Variants in TOP1MT observed in about 807,000 individuals in gnomAD.
TOP1MT encodes the protein DNA topoisomerase I, mitochondrial.
In TOP1MT, 80 loss-of-function variants were observed where a neutral mutation model predicts 73.9. The observed-to-expected ratio is 1.08, with a 90% CI of 0.90 to 1.30. TOP1MT has a LOEUF of 1.30. TOP1MT is among the 50% of genes most tolerant of loss of function. The pLI is 0.00. For missense variants in TOP1MT, 815 were observed against 808.0 expected (o/e 1.01, Z -0.10); for synonymous variants, 338 against 326.4 (o/e 1.04, Z -0.38).
upstream of TOP1MT, among the ~76,000 whole-genome samples, chr8:143,359,724 G>C (rs1405467954): frequency 1.3e-5 from 2 of 152,140 alleles, no homozygotes; most frequent in Non-Finnish European, 2.9e-5. Flanking sequence ...GTGCGCGGAG[G>C]GGGAGGTACA....
At chr8:143,352,202 A>T (rs1267677396) in intron 1 of TOP1MT, among the ~76,000 whole-genome samples, 2 of 152,258 alleles carry the variant, frequency 1.3e-5, no homozygotes, top group African/African-American at 4.8e-5. Flanking sequence ...ATTCACAAGG[A>T]AACACAAAGG....
intron 6 of TOP1MT, 84 bp downstream of exon 6, chr8:143,324,401 C>T (rs559792710): frequency 6.4e-5 from 102 of 1,589,238 alleles, no homozygotes; most frequent in Middle Eastern, 1.8e-4. Context: ...AAGCCTCTGC[C>T]GGTGCCCGGC....
intron 2 of TOP1MT, among the ~76,000 whole-genome samples, chr8:143,342,305 T>A (rs1817114364): frequency 7.1e-6 from 1 of 140,950 alleles, no homozygotes; most frequent in Non-Finnish European, 1.5e-5. Context: ...GTTATTATTA[T>A]TATTATTAGA....
rs192183467 is a variant in TOP1MT at position 143,316,420 on chromosome 8, G to A, written c.1331-294C>T. On this transcript the variant is annotated intron_variant, in intron 10 of 13. Transcript: ENST00000329245. ...AGGAGGCCCAGCCGCCTGGACGGGCGAGTCTGCCTGTCACAAGTCCCCAGC... is the reference window on the plus strand; with the variant it reads ...AGGAGGCCCAGCCGCCTGGACGGGCAAGTCTGCCTGTCACAAGTCCCCAGC... 6.6e-5 allele frequency among the ~76,000 whole-genome samples: 10 copies of A among 152,236 alleles called. No individual in the cohort carries two copies. The South Asian group carries it at 1.2e-3, about 19-fold the overall frequency.
Position 143,314,756 on chromosome 8 carries a change from TAAG to T in TOP1MT, c.1553+968_1553+970del, listed in dbSNP as rs578209382. ...AGCTGTTCCAGTATAATAAAATACA[TAAG>T]AATAGTTATACTATATATAGATCAT... is the stretch of plus-strand genomic sequence containing the variant. On this transcript the variant is annotated intron_variant, in intron 12 of 13. Transcript: ENST00000329245. Among the ~76,000 whole-genome samples, 566 of 152,188 alleles carry T rather than the reference TAAG, an allele frequency of 3.7e-3. 3 individuals are homozygous for T. The highest frequency in any genetic ancestry group is 0.012 in the African/African-American group (517 of 41,530).
intron 3 of TOP1MT, among the ~76,000 whole-genome samples, chr8:143,328,596 T>A (rs1157739573): frequency 6.6e-6 from 1 of 152,238 alleles, no homozygotes; most frequent in Non-Finnish European, 1.5e-5. Flanking sequence ...CCCAGCAATT[T>A]CACCCCAAGT....
chr8:143,355,141 A>G (rs1271178130), intron 1 of TOP1MT, among the ~76,000 whole-genome samples: 2 of 152,198 alleles, frequency 1.3e-5, no homozygotes, highest in Non-Finnish European at 2.9e-5. Flanking sequence ...TGGCAGACAC[A>G]ACCGGGGATG....
At chr8:143,338,730 G>T (rs776435694), upstream of TOP1MT, among the ~76,000 whole-genome samples, 2 of 152,238 alleles carry the variant, frequency 1.3e-5, no homozygotes, top group Non-Finnish European at 2.9e-5. Flanking sequence ...CCTCACACCT[G>T]GGTGGCTGCA....
intron 1 of TOP1MT, among the ~76,000 whole-genome samples, chr8:143,351,115 C>T (rs1012796760): frequency 1.3e-5 from 2 of 152,198 alleles, no homozygotes; most frequent in African/African-American, 4.8e-5. Context: ...ACCCCTACCC[C>T]CGATGTCTCC....
At chr8:143,323,430 C>T (rs1162259092) in intron 7 of TOP1MT, among the ~76,000 whole-genome samples, 2 of 111,594 alleles carry the variant, frequency 1.8e-5, no homozygotes, top group African/African-American at 3.8e-5. Context: ...CACACAGGCA[C>T]GCCACACACG....
upstream of TOP1MT, chr8:143,334,938 CCCGCCCCCGAGCGCGGCCT>C (rs1230326681): frequency 4.0e-6 from 5 of 1,237,634 alleles, no homozygotes; most frequent in African/African-American, 3.2e-5. Context: ...AGCGGCCAGC[CCCGCCCCCGAGCGCGGCCT>C]CCGCCCCCAG....
At chr8:143,323,625 A>ACACACGCACGC (rs1479214794) in intron 7 of TOP1MT, among the ~76,000 whole-genome samples, 2 of 92,784 alleles carry the variant, frequency 2.2e-5, no homozygotes, top group Admixed American at 1.4e-4. Flanking sequence ...CAGGCACGCC[A>ACACACGCACGC]CACACGCACG....
chr8:143,321,095 G>A, intron 8 of TOP1MT, 106 bp downstream of exon 8: 1 of 1,208,778 alleles, frequency 8.3e-7, no homozygotes, highest in Non-Finnish European at 1.1e-6. Context: ...CAGCAGGCAG[G>A]ACGTGGCAAA....
Position 143,331,294 on chromosome 8 carries a change from C to CA in TOP1MT, c.167dup (p.Glu57GlyfsTer23). The CA allele has an allele frequency of 6.2e-7, 1 of 1,613,050 alleles. No homozygotes were observed. The highest frequency in any genetic ancestry group is 1.1e-5 in the South Asian group (1 of 91,016). ...GTGCGAAGTACGGGCCCTTGTGCTC[C>CA]AGCTGTCTCCACTTCACCCCGTCTT... On this transcript the variant is annotated frameshift_variant, in exon 2 of 14. Coordinates refer to ENST00000329245, the MANE Select transcript of TOP1MT (RefSeq NM_052963.3). LOFTEE classifies it high-confidence loss of function.
rs200673353 is a variant in TOP1MT, at chr8:143,325,514, T to C, written c.503A>G (p.Glu168Gly). 1.5e-4 allele frequency: 243 copies of C among 1,609,656 alleles called. No individual in the cohort carries two copies. The highest frequency in any genetic ancestry group is 4.5e-4 in the Admixed American group (27 of 59,892). ...EEKQKLKEEA[E>G]KLQQEFGYCI... The stretch of plus-strand genomic sequence containing the variant: ...GTAGCCGAACTCTTGCTGAAGTTTT[T>C]CTGCCTCTTCTTTTAGCTTCTGAGT... Residue 168 changes from glutamate (E) to glycine (G), a missense_variant, in exon 5 of 14, where the codon GAA becomes GGA. Around this residue, in one of 3 missense-constraint regions of TOP1MT, gnomAD observed 751 missense variants for 725.4 expected, o/e 1.04. Transcript: ENST00000329245.
At chr8:143,316,859 C>T (rs538750554) in intron 10 of TOP1MT, among the ~76,000 whole-genome samples, 1 of 152,228 alleles carries the variant, frequency 6.6e-6, no homozygotes, top group Non-Finnish European at 1.5e-5. Flanking sequence ...CTCCCAGGCC[C>T]GGCCTCGGCC....
rs756243590 is a variant in TOP1MT, at chr8:143,318,011, G to A, written c.1215+7C>T. ...GCCCACTGCTGAGGAAACACGAGCC[G>A]GCTTACGGTCAGCCTGTCGAAGAGG... On this transcript the variant is annotated splice_region_variant and intron_variant, in intron 9 of 13. Coordinates refer to ENST00000329245, the MANE Select transcript of TOP1MT (RefSeq NM_052963.3). 2.0e-5 allele frequency: 32 copies of A among 1,614,126 alleles called. No homozygotes were observed. The highest frequency in any genetic ancestry group is 4.4e-5 in the South Asian group (4 of 91,070).
chr8:143,342,317 A>G (rs1483930744), intron 2 of TOP1MT, among the ~76,000 whole-genome samples: 2 of 136,586 alleles, frequency 1.5e-5, no homozygotes, highest in African/African-American at 6.8e-5. Flanking sequence ...ATTATTAGAG[A>G]CAGAGTCTCG....
At chr8:143,336,041 G>A (rs938333063), upstream of TOP1MT, among the ~76,000 whole-genome samples, 3 of 152,260 alleles carry the variant, frequency 2.0e-5, no homozygotes, top group Non-Finnish European at 4.4e-5. Context: ...GAACAGTGAT[G>A]CATATTTTTT....
Sources: allele counts gnomAD v4.1 joint callset (sites outside exome capture counted in the v4.1 genomes callset), GRCh38; gene constraint gnomAD v4.1.1; regional missense constraint gnomAD v4.1.1; transcripts MANE v1.5; gene names NCBI Gene and HGNC (gene_info 2026-07-23, HGNC 2026-07-21).